Variants in CCDC14 observed in about 807,000 individuals in gnomAD.
CCDC14 encodes the protein coiled-coil domain-containing protein 14.
CCDC14 carries 71 observed loss-of-function variants against 81.4 expected under a neutral mutation model. That is an observed-to-expected ratio of 0.87 (90% CI 0.72 to 1.06). CCDC14 has a LOEUF of 1.06. Ranked by LOEUF, CCDC14 falls within the 50% of genes least tolerant of loss-of-function variation. The pLI is 0.00. For missense variants in CCDC14, 1,046 were observed against 1,047.3 expected, an observed-to-expected ratio of 1.00 and a Z score of 0.02; for synonymous variants, 332 against 364.8, an observed-to-expected ratio of 0.91 and a Z score of 1.03.
At chr3:123,904,842 G>T (rs2034270165) in intron 5 of CCDC14, among the ~76,000 whole-genome samples, 1 of 152,140 alleles carries the variant, frequency 6.6e-6, no homozygotes, top group Admixed American at 6.5e-5. Flanking sequence ...ATTTGTCACA[G>T]AATTTGATCA....
At chr3:123,908,638 C>G (rs1009508652), downstream of CCDC14, among the ~76,000 whole-genome samples, 4 of 152,102 alleles carry the variant, frequency 2.6e-5, no homozygotes, top group African/African-American at 9.7e-5. Context: ...TTCTCATACC[C>G]TTTCTGGGTA....
intron 12 of CCDC14, among the ~76,000 whole-genome samples, chr3:123,916,622 T>C (rs9822006): frequency 0.82 from 124,105 of 152,046 alleles, 51,192 homozygotes; most frequent in African/African-American, 0.93. Flanking sequence ...GAAATGGAAT[T>C]AAATCCCAGT....
intron 9 of CCDC14, among the ~76,000 whole-genome samples, chr3:123,938,044 A>T (rs993449871): frequency 6.6e-6 from 1 of 151,878 alleles, no homozygotes; most frequent in Non-Finnish European, 1.5e-5. Flanking sequence ...TTAGAATACT[A>T]TTCCTTTATG....
At chr3:123,901,133 G>A (rs2034169057) in intron 5 of CCDC14, among the ~76,000 whole-genome samples, 1 of 152,074 alleles carries the variant, frequency 6.6e-6, no homozygotes, top group South Asian at 2.1e-4. Context: ...TTGGGAGGCT[G>A]AGGCAGGAGA....
At chr3:123,920,504 A>G (rs1007049522) in intron 12 of CCDC14, among the ~76,000 whole-genome samples, 10 of 152,226 alleles carry the variant, frequency 6.6e-5, no homozygotes, top group African/African-American at 2.4e-4. Context: ...GCAGTGACAG[A>G]TAAGAAACAT....
intron 12 of CCDC14, among the ~76,000 whole-genome samples, chr3:123,919,281 T>C (rs569387865): frequency 1.1e-4 from 17 of 152,286 alleles, no homozygotes; most frequent in Admixed American, 5.2e-4. Context: ...TGCTCAACCT[T>C]AGCAGTTAAG....
rs759838393 is a variant in CCDC14 at position 123,956,101 on chromosome 3, G to A, written c.174C>T (p.His58=). The change falls in exon 4 of 13, where the codon CAC becomes CAT. Residue 58 remains histidine, a synonymous_variant. Coordinates refer to ENST00000409697, the MANE Select transcript of CCDC14 (RefSeq NM_001366335.1). ...SDSESQAETV[H]GLDGCASLLR... Reference sequence around the variant, plus strand: ...GCAAAGAAGCACAACCATCAAGCCCGTGTACAGTTTCAGCCTGTAAGAAAT... The same window carrying A: ...GCAAAGAAGCACAACCATCAAGCCCATGTACAGTTTCAGCCTGTAAGAAAT... 3.8e-5 allele frequency: 59 copies of A among 1,546,530 alleles called. No homozygotes were observed. The highest frequency in any genetic ancestry group is 3.0e-4 in the South Asian group (25 of 82,218).
chr3:123,891,161 G>C, the CCDC14 span, among the ~76,000 whole-genome samples: 1 of 152,190 alleles, frequency 6.6e-6, no homozygotes, highest in Non-Finnish European at 1.5e-5. Flanking sequence ...CAGGGATCCT[G>C]GGCCTGGTCC....
intron 12 of CCDC14, among the ~76,000 whole-genome samples, chr3:123,924,479 A>G (rs1227500071): frequency 6.6e-6 from 1 of 152,174 alleles, no homozygotes; most frequent in Non-Finnish European, 1.5e-5. Flanking sequence ...AGCAAGGGGA[A>G]CAATCTAACA....
At chr3:123,931,851 G>A (rs1036302772) in intron 10 of CCDC14, among the ~76,000 whole-genome samples, 3 of 152,092 alleles carry the variant, frequency 2.0e-5, no homozygotes, top group South Asian at 2.1e-4. Flanking sequence ...GATTCTCAAT[G>A]AAGAATCTCC....
intron 1 of CCDC14, chr3:123,958,933 T>C (rs1259990178): frequency 6.6e-6 from 1 of 152,236 alleles, no homozygotes; most frequent in Non-Finnish European, 1.5e-5. Context: ...CTTAGCATAA[T>C]GTCTTCAAGT....
chr3:123,937,563 A>G (rs1296255246), intron 9 of CCDC14, among the ~76,000 whole-genome samples: 1 of 151,922 alleles, frequency 6.6e-6, no homozygotes, highest in Non-Finnish European at 1.5e-5. Flanking sequence ...ATTCTAATAC[A>G]AGTCCTTTAT....
intron 9 of CCDC14, among the ~76,000 whole-genome samples, chr3:123,938,732 A>G (rs965246634): frequency 6.6e-6 from 1 of 151,990 alleles, no homozygotes; most frequent in African/African-American, 2.4e-5. Context: ...ATTTTAAAAT[A>G]ATGGGATAAT....
rs750395750 is a variant in CCDC14, at chr3:123,948,757, A to G, written c.618T>C (p.Tyr206=). 1 of 1,598,166 alleles carries G rather than the reference A, an allele frequency of 6.3e-7. No individual in the cohort carries two copies. Among genetic ancestry groups the G allele is most frequent in the Admixed American group, 1.8e-5 (1 of 54,652 alleles). ...AGACTGGGGTGGAGGTACATAAGCC[A>G]TAACTAGAATGAGGAGTTGCCTGAG... ...SESQATPHSS[Y]GLCTSTPVWS... The change falls in exon 7 of 13, where the codon TAT becomes TAC. Residue 206 remains tyrosine, a synonymous_variant. Transcript: ENST00000409697.
At chr3:123,913,410 C>G (rs184174457), downstream of CCDC14, 3 of 983,018 alleles carry the variant, frequency 3.1e-6, no homozygotes, top group African/African-American at 1.7e-5. Context: ...TGGGAGTAGA[C>G]AGATGACACA....
chr3:123,928,497 CTA>C (rs1465374069), intron 12 of CCDC14, among the ~76,000 whole-genome samples: 1 of 152,012 alleles, frequency 6.6e-6, no homozygotes, highest in Non-Finnish European at 1.5e-5. Context: ...CAGAGTGAGA[CTA>C]TGTCTCAAAG....
chr3:123,943,522 G>A (rs563219448), intron 9 of CCDC14, among the ~76,000 whole-genome samples: 1 of 152,186 alleles, frequency 6.6e-6, no homozygotes, highest in South Asian at 2.1e-4. Flanking sequence ...TACCTTGTCT[G>A]TTTGTAGGTC....
At chr3:123,961,054 T>C in intron 1 of CCDC14, 90 bp downstream of exon 1, 1 of 1,170,824 alleles carries the variant, frequency 8.5e-7, no homozygotes, top group Non-Finnish European at 1.2e-6. Flanking sequence ...CTTTGTCTTT[T>C]TTCGAGCAGA....
In CCDC14 at chr3:123,955,858, C is replaced by A; in HGVS notation, c.337G>T (p.Val113Phe). The change falls in exon 5 of 13, where the codon GTC becomes TTC. Residue 113 changes from valine (V) to phenylalanine (F), a missense_variant. Coordinates refer to ENST00000409697, the MANE Select transcript of CCDC14 (RefSeq NM_001366335.1). ...AAAGGCTTACATGTTTCTTTCTGGA[C>A]TACCAAAGGAATAGTATGTTTTTCA... ...RHEKHTIPLV[V>F]QKETSSSDNK... 6.6e-7 allele frequency: 1 copy of A among 1,520,902 alleles called. No homozygotes were observed. Among genetic ancestry groups the A allele is most frequent in the Non-Finnish European group, 8.8e-7 (1 of 1,133,836 alleles). 94.2% of individuals were successfully genotyped at this position (1,520,902 alleles called of 1,614,324 possible).
Sources: gnomAD v4.1 joint callset for allele counts (sites outside exome capture counted in the v4.1 genomes callset) on GRCh38, gnomAD v4.1.1 for gene constraint, MANE v1.5 for transcripts, NCBI Gene and HGNC (gene_info 2026-07-23, HGNC 2026-07-21) for gene names.